ORC2: variants seen among roughly 807,000 people sequenced by gnomAD.
ORC2 encodes the protein origin recognition complex subunit 2.
Under a neutral mutation model 77.7 loss-of-function variants are expected in ORC2, and 37 were observed. That is an observed-to-expected ratio of 0.48 (90% CI 0.37 to 0.63). The LOEUF is 0.63. Ranked by LOEUF, ORC2 falls within the 20% of genes least tolerant of loss-of-function variation. ORC2 has a pLI of 0.00. For synonymous variants in ORC2, 201 were observed against 229.5 expected (o/e 0.88, Z 1.12); for missense variants, 557 against 661.9 (o/e 0.84, Z 1.74).
intron 15 of ORC2, among the ~76,000 whole-genome samples, chr2:200,919,031 A>C (rs1043976838): frequency 1.3e-5 from 2 of 152,022 alleles, no homozygotes; most frequent in Non-Finnish European, 2.9e-5. Context: ...TAGTCTCCCT[A>C]TGTTGCCCAG....
intron 5 of ORC2, among the ~76,000 whole-genome samples, chr2:200,948,987 C>T (rs1188279805): frequency 6.6e-6 from 1 of 151,800 alleles, no homozygotes; most frequent in African/African-American, 2.4e-5. Flanking sequence ...GCCTGTAATC[C>T]CAGCACTTTG....
At chr2:200,929,217 C>A (rs1364147112) in intron 11 of ORC2, among the ~76,000 whole-genome samples, 1 of 152,108 alleles carries the variant, frequency 6.6e-6, no homozygotes, top group Non-Finnish European at 1.5e-5. Flanking sequence ...TCCCAAAGTG[C>A]TGGAATTACA....
At chr2:200,942,596 T>C (rs2041173761) in intron 6 of ORC2, 89 bp downstream of exon 6, 2 of 614,116 alleles carry the variant, frequency 3.3e-6, no homozygotes, top group African/African-American at 1.9e-5. Flanking sequence ...AAAATATATA[T>C]AAAAATTCAC....
chr2:200,953,134 G>T (rs1263657651), intron 4 of ORC2, among the ~76,000 whole-genome samples: 1 of 137,354 alleles, frequency 7.3e-6, no homozygotes, highest in Non-Finnish European at 1.6e-5. Context: ...AAAAAAAAAA[G>T]GCAATACTGT....
chr2:200,920,999 G>A lies in ORC2; in HGVS notation c.1288C>T (p.Pro430Ser). The change falls in exon 14 of 18, where the codon CCT becomes TCT. Residue 430 changes from proline to serine, a missense_variant. Transcript: ENST00000234296. ...LIASIDHLNA[P>S]LMWDHAKQSL... is the part of the protein sequence containing the mutation. ...ATAGTAACAATTAACTTACTGAGAGGAGCATTGAGGTGGTCAATGGATGCT... is the reference window on the plus strand; with the variant it reads ...ATAGTAACAATTAACTTACTGAGAGAAGCATTGAGGTGGTCAATGGATGCT... 2 of 1,560,142 alleles carry A rather than the reference G, an allele frequency of 1.3e-6. No individual in the cohort carries two copies. Among genetic ancestry groups the A allele is most frequent in the Non-Finnish European group, 1.7e-6 (2 of 1,152,036 alleles).
intron 11 of ORC2, among the ~76,000 whole-genome samples, chr2:200,928,217 A>T (rs1347496011): frequency 6.6e-6 from 1 of 151,484 alleles, no homozygotes; most frequent in Non-Finnish European, 1.5e-5. Flanking sequence ...TTGGCTGGGC[A>T]TGGTGGCAGG....
chr2:200,956,276 C>G (rs2041463069), intron 4 of ORC2, among the ~76,000 whole-genome samples: 1 of 151,880 alleles, frequency 6.6e-6, no homozygotes, highest in African/African-American at 2.4e-5. Flanking sequence ...GTTGCCCAGG[C>G]TGGAGTGTAG....
chr2:200,935,958 A>G (rs2041038919), intron 8 of ORC2, 66 bp from the exon 9 acceptor site: 1 of 1,370,312 alleles, frequency 7.3e-7, no homozygotes, highest in Non-Finnish European at 1.0e-6. Flanking sequence ...TGTGGGGTAA[A>G]GCAAAGAGTG....
At chr2:200,950,738 T>G (rs1323331087) in intron 4 of ORC2, among the ~76,000 whole-genome samples, 2 of 152,196 alleles carry the variant, frequency 1.3e-5, no homozygotes, top group Non-Finnish European at 2.9e-5. Flanking sequence ...TTTTTGTCAA[T>G]ACTTAATGGA....
At chr2:200,926,671 TA>T in intron 12 of ORC2, 96 bp downstream of exon 12, 1 of 1,287,776 alleles carries the variant, frequency 7.8e-7, no homozygotes, top group Non-Finnish European at 1.1e-6. Flanking sequence ...CCGTGAAGGC[TA>T]AAACAAAAAT....
chr2:200,960,216 G>A (rs563949568), intron 1 of ORC2, among the ~76,000 whole-genome samples: 2 of 152,052 alleles, frequency 1.3e-5, no homozygotes, highest in East Asian at 1.9e-4. Context: ...GGGCTCAAGC[G>A]ATCTACCCAC....
chr2:200,909,113 C>T lies in ORC2; in HGVS notation c.*2188G>A, dbSNP rs1158079944. ...TTTAGGGCAGATGCAAAAATTTGCA[C>T]ATTAGGTCATTATAAACTAGATATA... On this transcript the variant is annotated 3_prime_UTR_variant, in exon 18 of 18. Coordinates refer to ENST00000234296, the MANE Select transcript of ORC2 (RefSeq NM_006190.5). The T allele has an allele frequency of 6.6e-6, 1 of 151,984 alleles. No homozygotes were observed. Among genetic ancestry groups the T allele is most frequent in the East Asian group, 1.9e-4 (1 of 5,194 alleles). The allele number at this position is 151,984 out of a possible 1,614,324, so 9.4% of individuals were successfully genotyped here. A position where few individuals can be genotyped will look rare whatever the true frequency, so the allele number is the denominator to read the frequency against.
In ORC2 at chr2:200,963,475, C is replaced by T. The variant is rs1262621320; in HGVS notation, c.-60+15G>A. ...AGAAAAGGGAGGCAGGCTGCCCCGA[C>T]ACCCCACTACTCACCGCTAGGTTTC... On this transcript the variant is annotated intron_variant, in intron 1 of 17. Transcript: ENST00000234296. 4 of 398,540 alleles carry T rather than the reference C, an allele frequency of 1.0e-5. No homozygotes were observed. Among genetic ancestry groups the T allele is most frequent in the Non-Finnish European group, 1.8e-5 (4 of 226,078 alleles). The allele number at this position is 398,540 out of a possible 1,614,324, so 24.7% of individuals were successfully genotyped here. A position where few individuals can be genotyped will look rare whatever the true frequency, so the allele number is the denominator to read the frequency against.
intron 16 of ORC2, 39 bp from the exon 17 acceptor site, chr2:200,913,452 TA>T: frequency 6.5e-7 from 1 of 1,544,678 alleles, no homozygotes; most frequent in Non-Finnish European, 8.8e-7. Flanking sequence ...AGTCAGCACT[TA>T]AGACATGACC....
chr2:200,959,194 G>T (rs889347212), intron 2 of ORC2, among the ~76,000 whole-genome samples, 198 bp downstream of exon 2: 9 of 152,064 alleles, frequency 5.9e-5, no homozygotes, highest in African/African-American at 2.2e-4. Context: ...TGTTGCCCAG[G>T]CTGGTTCTGA....
At chr2:200,942,127 G>A (rs1041590559) in intron 6 of ORC2, among the ~76,000 whole-genome samples, 1 of 152,110 alleles carries the variant, frequency 6.6e-6, no homozygotes, top group Non-Finnish European at 1.5e-5. Context: ...CTTTAATAGT[G>A]TGCTGTAATT....
chr2:200,932,075 C>T (rs564797035), intron 10 of ORC2, among the ~76,000 whole-genome samples: 33 of 152,060 alleles, frequency 2.2e-4, no homozygotes, highest in Admixed American at 2.0e-3. Context: ...ATTAGAGTTG[C>T]GATAAATATT....
At chr2:200,941,724 C>T (rs184141222) in intron 6 of ORC2, among the ~76,000 whole-genome samples, 3 of 152,162 alleles carry the variant, frequency 2.0e-5, no homozygotes, top group African/African-American at 7.2e-5. Flanking sequence ...CGGTGGCTCA[C>T]GCCCGTAATC....
intron 12 of ORC2, 92 bp downstream of exon 12, chr2:200,926,676 C>CA: frequency 1.5e-6 from 2 of 1,354,710 alleles, no homozygotes; most frequent in South Asian, 2.5e-5. Context: ...AAGGCTAAAA[C>CA]AAAAATTCTT....
Sources: gnomAD v4.1 joint callset for allele counts (sites outside exome capture counted in the v4.1 genomes callset) on GRCh38, gnomAD v4.1.1 for gene constraint, MANE v1.5 for transcripts, NCBI Gene and HGNC (gene_info 2026-07-23, HGNC 2026-07-21) for gene names.